The following INHBA variants were observed in gnomAD, a reference collection of about 807,000 sequenced individuals.
INHBA encodes inhibin beta A chain.
INHBA carries 1 observed loss-of-function variant against 29.0 expected under a neutral mutation model. That is an observed-to-expected ratio of 0.03 (90% CI 0.01 to 0.16). The LOEUF is 0.16. Among genes scored for constraint, INHBA ranks in the 10% least tolerant of loss-of-function variants. The pLI is 1.00. For synonymous variants in INHBA, 242 were observed against 216.8 expected (o/e 1.12, Z -1.02); for missense variants, 376 against 545.4 (o/e 0.69, Z 3.09).
Position 41,700,236 on chromosome 7 carries a change from C to T in INHBA, c.139G>A (p.Val47Ile). The T allele has an allele frequency of 6.2e-7, 1 of 1,613,408 alleles. No homozygotes were observed. Among genetic ancestry groups the T allele is most frequent in the Non-Finnish European group, 8.5e-7 (1 of 1,179,546 alleles). Residue 47 changes from valine (V) to isoleucine (I), a missense_variant, in exon 2 of 3, where the codon GTA (valine) becomes ATA (isoleucine). Val to Ile is a conservative substitution (Grantham distance 29). This residue lies in a region of INHBA where 71 missense variants were observed against 77.0 expected (regional missense o/e 0.92). Coordinates refer to ENST00000242208, the MANE Select transcript of INHBA (RefSeq NM_002192.4). ...SCALAALPKDVPNSQPEMVEA... is the reference protein window; with the variant it reads ...SCALAALPKDIPNSQPEMVEA... ...ACCATCTCTGGCTGAGAGTTGGGTA[C>T]ATCCTTTGGGAGGGCGGCCAGCGCA... is the stretch of plus-strand genomic sequence containing the variant.
chr7:41,688,732 C>A lies in INHBA; in HGVS notation c.*918G>T. On this transcript the variant is annotated 3_prime_UTR_variant, in exon 3 of 3. Transcript: ENST00000242208. The stretch of plus-strand genomic sequence containing the variant: ...ACGATTAAAAAAAAAACAACAACAA[C>A]ATTTACAAAATATAGAAATGTTTGG... 6.6e-6 allele frequency: 1 copy of A among 151,680 alleles called. No individual in the cohort carries two copies. 9.4% of individuals were successfully genotyped at this position (151,680 alleles called of 1,614,324 possible).
chr7:41,692,928 G>A (rs1199264133), intron 2 of INHBA, among the ~76,000 whole-genome samples: 1 of 152,218 alleles, frequency 6.6e-6, no homozygotes, highest in Non-Finnish European at 1.5e-5. Context: ...TAGGGTGGCA[G>A]GGTCCTGCCA....
In INHBA at chr7:41,690,161, A is replaced by C; in HGVS notation, c.770T>G (p.Leu257Arg). ...CTCTTCTTTCTTCTTCTTCTTGCCCAGGAGAACCAAGCTGGCGCCACTCTC... is the reference window on the plus strand; with the variant it reads ...CTCTTCTTTCTTCTTCTTCTTGCCCCGGAGAACCAAGCTGGCGCCACTCTC... ...CQESGASLVL[L>R]GKKKKKEEEG... Residue 257 changes from leucine to arginine, a missense_variant, in exon 3 of 3, where the codon CTG becomes CGG. Leu to Arg is a moderately radical substitution (Grantham distance 102). Around this residue, in one of 4 missense-constraint regions of INHBA, gnomAD observed 253 missense variants for 313.4 expected, o/e 0.81. Coordinates refer to ENST00000242208, the MANE Select transcript of INHBA (RefSeq NM_002192.4). The C allele has an allele frequency of 6.2e-7, 1 of 1,613,030 alleles. No homozygotes were observed. Among genetic ancestry groups the C allele is most frequent in the Non-Finnish European group, 8.5e-7 (1 of 1,179,890 alleles).
chr7:41,699,881 GT>G, intron 2 of INHBA, 105 bp downstream of exon 2: 1 of 839,426 alleles, frequency 1.2e-6, no homozygotes, highest in Non-Finnish European at 1.9e-6. Context: ...TTCCCAGGCA[GT>G]TTCCAGCTGA....
At chr7:41,691,070 A>T (rs1794490005) in intron 2 of INHBA, 1 of 153,018 alleles carries the variant, frequency 6.5e-6, no homozygotes, top group Non-Finnish European at 1.5e-5. Context: ...AGGACATTTG[A>T]CCTGTTATCT....
At position 41,690,386 on chromosome 7, in the gene INHBA, G is replaced by C. The variant is rs766987359; in HGVS notation, c.545C>G (p.Pro182Arg). Reference protein sequence around the residue: ...TIRLFQQQKHPQGSLDTGEEA... With the variant: ...TIRLFQQQKHRQGSLDTGEEA... Reference sequence around the variant, plus strand: ...TTCCCCTGTGTCCAAGCTGCCCTGCGGGTGCTTCTGCTGCTGGAAGAGGCG... The same window carrying C: ...TTCCCCTGTGTCCAAGCTGCCCTGCCGGTGCTTCTGCTGCTGGAAGAGGCG... Residue 182 changes from proline to arginine, a missense_variant, in exon 3 of 3, where the codon CCG (proline) becomes CGG (arginine). This residue lies in a region of INHBA where 253 missense variants were observed against 313.4 expected (regional missense o/e 0.81). Coordinates refer to ENST00000242208, the MANE Select transcript of INHBA (RefSeq NM_002192.4). 2.9e-5 allele frequency: 47 copies of C among 1,613,936 alleles called. No homozygotes were observed. The highest frequency in any genetic ancestry group is 1.8e-4 in the Admixed American group (11 of 59,998).
In INHBA at chr7:41,690,336, C is replaced by T. The variant is rs146325702; in HGVS notation, c.595G>A (p.Gly199Arg). ...GAGAGCAACAGTTCACTCCTCTCCC[C>T]CTTTAAGCCCACTTCCTCGGCCTCT... ...GEEAEEVGLK[G>R]ERSELLLSEK... Residue 199 changes from glycine (G) to arginine (R), a missense_variant, in exon 3 of 3, where the codon GGG becomes AGG. By Grantham distance (125) the Gly-to-Arg change is moderately radical. This residue lies in a region of INHBA where 253 missense variants were observed against 313.4 expected (regional missense o/e 0.81). Transcript: ENST00000242208. The T allele has an allele frequency of 2.4e-5, 38 of 1,613,992 alleles. No homozygotes were observed. The highest frequency in any genetic ancestry group is 3.3e-4 in the Middle Eastern group (2 of 6,084).
chr7:41,700,841 A>AAGATAGAGAGAGAG (rs1794769298), intron 1 of INHBA, among the ~76,000 whole-genome samples: 1 of 79,098 alleles, frequency 1.3e-5, no homozygotes, highest in Admixed American at 1.6e-4. Context: ...GAGGGAAAGG[A>AAGATAGAGAGAGAG]AGAGAGAGAG....
At chr7:41,701,260 C>A (rs1211496544) in intron 1 of INHBA, among the ~76,000 whole-genome samples, 1 of 152,028 alleles carries the variant, frequency 6.6e-6, no homozygotes, top group Non-Finnish European at 1.5e-5. Context: ...GGTAGAACGC[C>A]CACCTGGCCA....
At position 41,700,469 on chromosome 7, in the gene INHBA, AT is replaced by A. The variant is rs111584790; in HGVS notation, c.-96del. 23,093 of 879,894 alleles carry A rather than the reference AT, an allele frequency of 0.026. No individual in the cohort carries two copies. The highest frequency in any genetic ancestry group is 0.044 in the South Asian group (1,237 of 28,346). The allele number at this position is 879,894 out of a possible 1,614,324, so 54.5% of individuals were successfully genotyped here. A position where few individuals can be genotyped will look rare whatever the true frequency, so the allele number is the denominator to read the frequency against. The stretch of plus-strand genomic sequence containing the variant: ...TTTTTTTGTGTGTGTGGATTTTTTT[AT>A]TTTTTTTTTTGGTGTTTTTTTTTTC... On this transcript the variant is annotated 5_prime_UTR_variant, in exon 2 of 3. Coordinates refer to ENST00000242208, the MANE Select transcript of INHBA (RefSeq NM_002192.4).
rs1794436457 is a variant in INHBA, at chr7:41,688,735, T to G, written c.*915A>C. ...ATTAAAAAAAAAACAACAACAACAT[T>G]TACAAAATATAGAAATGTTTGGATC... On this transcript the variant is annotated 3_prime_UTR_variant, in exon 3 of 3. Coordinates refer to ENST00000242208, the MANE Select transcript of INHBA (RefSeq NM_002192.4). The G allele has an allele frequency of 2.5e-5, 4 of 158,718 alleles. No individual in the cohort carries two copies. In the Middle Eastern group the frequency reaches 0.012, roughly 459 times the overall value. 9.8% of individuals were successfully genotyped at this position (158,718 alleles called of 1,614,324 possible). A position where few individuals can be genotyped will look rare whatever the true frequency, so the allele number is the denominator to read the frequency against.
intron 2 of INHBA, among the ~76,000 whole-genome samples, chr7:41,692,961 G>C (rs1296000388): frequency 6.6e-6 from 1 of 152,202 alleles, no homozygotes; most frequent in African/African-American, 2.4e-5. Context: ...AAGGCCGAGG[G>C]AAACCTCCCA....
chr7:41,686,963 A>G lies in INHBA; in HGVS notation c.*2687T>C, dbSNP rs1794405149. The G allele has an allele frequency of 6.6e-6, 1 of 152,210 alleles. No individual in the cohort carries two copies. The allele number at this position is 152,210 out of a possible 1,614,324, so 9.4% of individuals were successfully genotyped here. A position where few individuals can be genotyped will look rare whatever the true frequency, so the allele number is the denominator to read the frequency against. Reference sequence around the variant, plus strand: ...AGTTCAAAATACTGCCAGTTTTCCAAGAAATTTTGTAAAGTTGAACATGGC... The same window carrying G: ...AGTTCAAAATACTGCCAGTTTTCCAGGAAATTTTGTAAAGTTGAACATGGC... On this transcript the variant is annotated 3_prime_UTR_variant, in exon 3 of 3. Transcript: ENST00000242208.
At position 41,700,196 on chromosome 7, in the gene INHBA, T is replaced by C; in HGVS notation, c.179A>G (p.Lys60Arg). The change falls in exon 2 of 3, where the codon AAG (lysine) becomes AGG (arginine). Residue 60 changes from lysine to arginine, a missense_variant. This residue lies in a region of INHBA where 71 missense variants were observed against 77.0 expected (regional missense o/e 0.92). Transcript: ENST00000242208. Reference protein sequence around the residue: ...SQPEMVEAVKKHILNMLHLKK... With the variant: ...SQPEMVEAVKRHILNMLHLKK... The stretch of plus-strand genomic sequence containing the variant: ...CAAGTGCAGCATGTTTAAAATGTGC[T>C]TCTTGACGGCCTCCACCATCTCTGG... 2 of 1,614,110 alleles carry C rather than the reference T, an allele frequency of 1.2e-6. No homozygotes were observed. Among genetic ancestry groups the C allele is most frequent in the Non-Finnish European group, 1.7e-6 (2 of 1,180,006 alleles).
At chr7:41,696,943 C>T (rs891593174) in intron 2 of INHBA, among the ~76,000 whole-genome samples, 1 of 152,150 alleles carries the variant, frequency 6.6e-6, no homozygotes, top group African/African-American at 2.4e-5. Flanking sequence ...CTTTCTTTCC[C>T]TATTCTTTCT....
chr7:41,699,940 C>CGGG, intron 2 of INHBA, 47 bp downstream of exon 2: 1 of 227,084 alleles, frequency 4.4e-6, no homozygotes, highest in East Asian at 1.1e-4. Context: ...ATATTTTACC[C>CGGG]TCCCACCCCC....
At chr7:41,704,997 T>C (rs1794883435), upstream of INHBA, among the ~76,000 whole-genome samples, 1 of 151,976 alleles carries the variant, frequency 6.6e-6, no homozygotes, top group African/African-American at 2.4e-5. Context: ...GCAACCCCTC[T>C]GCAACCACCT....
At position 41,685,444 on chromosome 7, in the gene INHBA, T is replaced by C. The variant is rs1794377249; in HGVS notation, c.*4206A>G. The C allele has an allele frequency of 6.6e-6, 1 of 152,044 alleles. No individual in the cohort carries two copies. Among genetic ancestry groups the C allele is most frequent in the Non-Finnish European group, 1.5e-5 (1 of 67,930 alleles). 9.4% of individuals were successfully genotyped at this position (152,044 alleles called of 1,614,324 possible). A position where few individuals can be genotyped will look rare whatever the true frequency, so the allele number is the denominator to read the frequency against. The stretch of plus-strand genomic sequence containing the variant: ...CAGACATTGGTTAAAGAACTGCATG[T>C]AGTATGCAAAACAAAACAAAACAAA... On this transcript the variant is annotated 3_prime_UTR_variant, in exon 3 of 3. Coordinates refer to ENST00000242208, the MANE Select transcript of INHBA (RefSeq NM_002192.4).
rs1794453403 is a variant in INHBA, at chr7:41,689,527, T to G, written c.*123A>C. The G allele has an allele frequency of 2.4e-6, 2 of 816,376 alleles. No individual in the cohort carries two copies. The highest frequency in any genetic ancestry group is 7.6e-5 in the Admixed American group (2 of 26,222). 50.6% of individuals were successfully genotyped at this position (816,376 alleles called of 1,614,324 possible). On this transcript the variant is annotated 3_prime_UTR_variant, in exon 3 of 3. Transcript: ENST00000242208. ...AATTTACTTTTGTTTTTTTTTGTTT[T>G]TTTTTTTGTTTTGTTTTTAATTTCT...
Sources: allele counts gnomAD v4.1 joint callset (sites outside exome capture counted in the v4.1 genomes callset), GRCh38; gene constraint gnomAD v4.1.1; regional missense constraint gnomAD v4.1.1; transcripts MANE v1.5; gene names NCBI Gene and HGNC (gene_info 2026-07-23, HGNC 2026-07-21).